Variants in TTC29 observed in about 807,000 individuals in gnomAD.
TTC29 encodes tetratricopeptide repeat protein 29.
Under a neutral mutation model 58.1 loss-of-function variants are expected in TTC29, and 49 were observed. The observed-to-expected ratio is 0.84, with a 90% CI of 0.67 to 1.07. The LOEUF is 1.07. Ranked by LOEUF, TTC29 falls within the 50% of genes least tolerant of loss-of-function variation. The pLI is 0.00. For missense variants in TTC29, 582 were observed against 555.6 expected (o/e 1.05, Z -0.48); for synonymous variants, 209 against 196.8 (o/e 1.06, Z -0.52).
chr4:146,836,745 A>G (rs1035900706), intron 8 of TTC29, among the ~76,000 whole-genome samples: 1 of 152,128 alleles, frequency 6.6e-6, no homozygotes, highest in African/African-American at 2.4e-5. Context: ...TATGGAAAAA[A>G]GCTCAATATC....
intron 11 of TTC29, among the ~76,000 whole-genome samples, chr4:146,739,916 C>T (rs1378008262): frequency 6.6e-6 from 1 of 152,116 alleles, no homozygotes; most frequent in Non-Finnish European, 1.5e-5. Context: ...GTGGCTGGGA[C>T]TAAATTCCCT....
At chr4:146,707,594 A>AGTT (rs1742067140) in intron 11 of TTC29, 43 bp from the exon 12 acceptor site, 10 of 1,381,952 alleles carry the variant, frequency 7.2e-6, no homozygotes, top group Admixed American at 1.8e-5. Flanking sequence ...TCATGAACAC[A>AGTT]GTTTATAGTT....
At chr4:146,779,813 G>C (rs1224405294) in intron 11 of TTC29, among the ~76,000 whole-genome samples, 1 of 152,140 alleles carries the variant, frequency 6.6e-6, no homozygotes, top group African/African-American at 2.4e-5. Flanking sequence ...CTGGAAGCTA[G>C]TCAAAATAAG....
At position 146,927,858 on chromosome 4, in the gene TTC29, A is replaced by G. The variant is rs551045645; in HGVS notation, c.176+9736T>C. On this transcript the variant is annotated intron_variant, in intron 4 of 12. Transcript: ENST00000325106. ...ATGTGCAAGGCTATGAAGGGGTAAAAGATCATGGGTTCTCATTCCTGTGAG... is the reference window on the plus strand; with the variant it reads ...ATGTGCAAGGCTATGAAGGGGTAAAGGATCATGGGTTCTCATTCCTGTGAG... Among the ~76,000 whole-genome samples the G allele has an allele frequency of 1.2e-4, 19 of 152,268 alleles. No homozygotes were observed. In the South Asian group the frequency reaches 3.9e-3, roughly 32 times the overall value.
chr4:146,846,016 T>C (rs1003681633), intron 8 of TTC29, among the ~76,000 whole-genome samples: 1 of 152,174 alleles, frequency 6.6e-6, no homozygotes, highest in Non-Finnish European at 1.5e-5. Context: ...GAATGACTAT[T>C]GTAGAGCCCT....
At position 146,835,373 on chromosome 4, in the gene TTC29, T is replaced by C. The variant is rs1728439365; in HGVS notation, c.886-1476A>G. On this transcript the variant is annotated intron_variant, in intron 8 of 12. Coordinates refer to ENST00000325106, the MANE Select transcript of TTC29 (RefSeq NM_031956.4). ...TTTCTGAGTTAAAGGGCAGTACCTC[T>C]GAATTTTGTGAATTTATAAGAGATC... is the stretch of plus-strand genomic sequence containing the variant. 2.0e-5 allele frequency among the ~76,000 whole-genome samples: 3 copies of C among 152,154 alleles called. No individual in the cohort carries two copies. In the South Asian group the frequency reaches 6.2e-4, roughly 31 times the overall value.
At chr4:146,775,640 T>C (rs912138846) in intron 11 of TTC29, among the ~76,000 whole-genome samples, 13 of 152,122 alleles carry the variant, frequency 8.5e-5, no homozygotes, top group African/African-American at 3.1e-4. Context: ...CCAATGGGGT[T>C]CTCTTTGTAG....
At chr4:146,752,431 G>A (rs2150049731) in intron 11 of TTC29, among the ~76,000 whole-genome samples, 1 of 150,288 alleles carries the variant, frequency 6.7e-6, no homozygotes, top group South Asian at 2.1e-4. Flanking sequence ...AACATTCCAT[G>A]CTTATGGGTA....
chr4:146,869,913 A>C (rs1730819933), intron 7 of TTC29, among the ~76,000 whole-genome samples: 1 of 152,124 alleles, frequency 6.6e-6, no homozygotes, highest in African/African-American at 2.4e-5. Flanking sequence ...CCAAAAAGAA[A>C]AGGTTAGATC....
At chr4:146,850,477 C>T (rs1366359173) in intron 8 of TTC29, among the ~76,000 whole-genome samples, 2 of 152,176 alleles carry the variant, frequency 1.3e-5, no homozygotes, top group African/African-American at 4.8e-5. Flanking sequence ...GCAACCTGTC[C>T]TATTGTGGAT....
At chr4:146,939,718 T>C in intron 3 of TTC29, 86 bp downstream of exon 3, 2 of 1,233,778 alleles carry the variant, frequency 1.6e-6, no homozygotes, top group Non-Finnish European at 2.3e-6. Context: ...CTTGAAATGA[T>C]TTTATTTTCT....
intron 11 of TTC29, among the ~76,000 whole-genome samples, chr4:146,797,001 A>G (rs1749876406): frequency 6.6e-6 from 1 of 151,350 alleles, no homozygotes; most frequent in Admixed American, 6.6e-5. Flanking sequence ...GTAATCTAAG[A>G]AAAAAAAAGG....
chr4:146,939,031 TG>T (rs1169342838), intron 3 of TTC29, among the ~76,000 whole-genome samples: 1 of 152,216 alleles, frequency 6.6e-6, no homozygotes, highest in Non-Finnish European at 1.5e-5. Flanking sequence ...AGCAGTTTGA[TG>T]ATGCATTTTC....
At chr4:146,882,244 T>C (rs554298986) in intron 6 of TTC29, among the ~76,000 whole-genome samples, 1 of 152,172 alleles carries the variant, frequency 6.6e-6, no homozygotes, top group Non-Finnish European at 1.5e-5. Flanking sequence ...TGACTGCTCT[T>C]GGCCAATAAA....
At chr4:146,719,197 TG>T (rs1743174485) in intron 11 of TTC29, among the ~76,000 whole-genome samples, 1 of 150,900 alleles carries the variant, frequency 6.6e-6, no homozygotes, top group Non-Finnish European at 1.5e-5. Flanking sequence ...GGGGTGTGTG[TG>T]TGTGTGTGTG....
At chr4:146,850,205 C>T (rs1016692944) in intron 8 of TTC29, among the ~76,000 whole-genome samples, 5 of 152,134 alleles carry the variant, frequency 3.3e-5, no homozygotes, top group African/African-American at 7.2e-5. Context: ...CATGTGTGAG[C>T]TAATTTAATC....
intron 11 of TTC29, among the ~76,000 whole-genome samples, chr4:146,730,747 G>A (rs1338388893): frequency 6.6e-6 from 1 of 152,170 alleles, no homozygotes; most frequent in African/African-American, 2.4e-5. Flanking sequence ...TGACTATTGT[G>A]TTTGGCGATG....
intron 11 of TTC29, among the ~76,000 whole-genome samples, chr4:146,744,817 A>G (rs1359997397): frequency 6.6e-6 from 1 of 152,100 alleles, no homozygotes; most frequent in Admixed American, 6.6e-5. Context: ...TCTGGCTTAC[A>G]GTTTCTATTC....
At chr4:146,911,066 T>C (rs1307677921) in intron 4 of TTC29, among the ~76,000 whole-genome samples, 1 of 151,946 alleles carries the variant, frequency 6.6e-6, no homozygotes, top group African/African-American at 2.4e-5. Context: ...CCATCTAGGG[T>C]TATTGAAGGC....
Sources: allele counts gnomAD v4.1 joint callset (sites outside exome capture counted in the v4.1 genomes callset), GRCh38; gene constraint gnomAD v4.1.1; transcripts MANE v1.5; gene names NCBI Gene and HGNC (gene_info 2026-07-23, HGNC 2026-07-21).